ARID4A: variants seen among roughly 807,000 people sequenced by gnomAD.
ARID4A encodes the protein AT-rich interactive domain-containing protein 4A.
In ARID4A, 39 loss-of-function variants were observed where a neutral mutation model predicts 148.6. That is an observed-to-expected ratio of 0.26 (90% confidence interval 0.20 to 0.34). ARID4A has a LOEUF of 0.34. Among genes scored for constraint, ARID4A ranks in the 10% least tolerant of loss-of-function variants. ARID4A has a pLI of 1.00. For synonymous variants in ARID4A, 475 were observed against 481.2 expected (o/e 0.99, Z 0.17); for missense variants, 1,265 against 1,449.1 (o/e 0.87, Z 2.06).
At chr14:58,313,965 T>G (rs1320565990) in intron 5 of ARID4A, among the ~76,000 whole-genome samples, 1 of 152,256 alleles carries the variant, frequency 6.6e-6, no homozygotes, top group Non-Finnish European at 1.5e-5. Flanking sequence ...CAGTTTCCTC[T>G]GGCACACCCA....
At chr14:58,324,146 C>T (rs867789585) in intron 8 of ARID4A, among the ~76,000 whole-genome samples, 50 of 152,064 alleles carry the variant, frequency 3.3e-4, no homozygotes, top group African/African-American at 9.9e-4. Flanking sequence ...CCTCATGGTC[C>T]GCCCACCTCG....
At chr14:58,328,424 C>T in intron 9 of ARID4A, 108 bp downstream of exon 9, 1 of 704,230 alleles carries the variant, frequency 1.4e-6, no homozygotes, top group Non-Finnish European at 2.3e-6. Flanking sequence ...TCTAATCATT[C>T]ATGAACTGAG....
chr14:58,313,782 A>G (rs1378198634), intron 5 of ARID4A, among the ~76,000 whole-genome samples: 1 of 152,216 alleles, frequency 6.6e-6, no homozygotes, highest in Non-Finnish European at 1.5e-5. Context: ...CCCATAGCCA[A>G]AGAGCCTGGA....
At chr14:58,309,163 T>TA (rs2031829088) in intron 5 of ARID4A, among the ~76,000 whole-genome samples, 1 of 152,210 alleles carries the variant, frequency 6.6e-6, no homozygotes, top group Admixed American at 6.5e-5. Flanking sequence ...TTGCCCAGGC[T>TA]TTTGTTCAGT....
In ARID4A at chr14:58,328,418, A is replaced by G. The variant is rs2033335452; in HGVS notation, c.662+102A>G. On this transcript the variant is annotated intron_variant, in intron 9 of 23. Coordinates refer to ENST00000355431, the MANE Select transcript of ARID4A (RefSeq NM_002892.4). ...CCAAAACTTTATTTTTAAAAGTCTA[A>G]TCATTCATGAACTGAGAAGTTGTTA... 12 of 768,324 alleles carry G rather than the reference A, an allele frequency of 1.6e-5. No homozygotes were observed. The East Asian group carries it at 3.0e-4, about 19-fold the overall frequency. 47.6% of individuals were successfully genotyped at this position (768,324 alleles called of 1,614,324 possible).
chr14:58,330,197 A>G, intron 11 of ARID4A, 28 bp downstream of exon 11: 1 of 1,601,382 alleles, frequency 6.2e-7, no homozygotes, highest in Non-Finnish European at 8.5e-7. Context: ...TTTGTAACAA[A>G]AACATCTTAA....
At chr14:58,332,037 G>A (rs1354879980) in intron 11 of ARID4A, among the ~76,000 whole-genome samples, 2 of 138,888 alleles carry the variant, frequency 1.4e-5, no homozygotes, top group African/African-American at 5.3e-5. Context: ...AAACAAAGAG[G>A]GTAAAAAGAG....
In ARID4A at chr14:58,351,072, G is replaced by C; in HGVS notation, c.1405-1G>C. 6.3e-7 allele frequency: 1 copy of C among 1,587,388 alleles called. No individual in the cohort carries two copies. Among genetic ancestry groups the C allele is most frequent in the Non-Finnish European group, 8.5e-7 (1 of 1,173,806 alleles). ...TTTAAAGCTTTTATCCCCTCTACTAGGGACGAAGGAGAATTGCTCGAGATG... is the reference window on the plus strand; with the variant it reads ...TTTAAAGCTTTTATCCCCTCTACTACGGACGAAGGAGAATTGCTCGAGATG... On this transcript the variant is annotated splice_acceptor_variant, in intron 15 of 23. Transcript: ENST00000355431. LOFTEE classifies it high-confidence loss of function.
intron 5 of ARID4A, among the ~76,000 whole-genome samples, chr14:58,311,647 G>A (rs971400333): frequency 2.6e-5 from 4 of 152,134 alleles, no homozygotes; most frequent in Non-Finnish European, 5.9e-5. Flanking sequence ...CATGTTTATT[G>A]CAGCACTATT....
intron 11 of ARID4A, among the ~76,000 whole-genome samples, chr14:58,337,246 T>TATATATATATGTATATATATATA (rs1555361738): frequency 1.2e-5 from 1 of 83,818 alleles, no homozygotes; most frequent in African/African-American, 4.2e-5. Flanking sequence ...TTCTCTTTAT[T>TATATATATATGTATATATATATA]TATATATATA....
chr14:58,336,596 AAG>A, intron 11 of ARID4A, among the ~76,000 whole-genome samples: 1 of 152,348 alleles, frequency 6.6e-6, no homozygotes, highest in East Asian at 1.9e-4. Context: ...AACATACATC[AAG>A]ATGTACCTTT....
chr14:58,370,234 A>G (rs567672210), intron 23 of ARID4A, among the ~76,000 whole-genome samples: 12 of 152,360 alleles, frequency 7.9e-5, no homozygotes, highest in Admixed American at 2.6e-4. Context: ...AATTTCTTCA[A>G]AGAACCCACC....
chr14:58,332,575 T>A (rs532869219), intron 11 of ARID4A, among the ~76,000 whole-genome samples: 1 of 152,222 alleles, frequency 6.6e-6, no homozygotes, highest in East Asian at 1.9e-4. Flanking sequence ...AGTTATTTTT[T>A]AAAAGTGTAA....
chr14:58,358,736 C>G (rs2035001042), intron 17 of ARID4A, among the ~76,000 whole-genome samples: 1 of 152,134 alleles, frequency 6.6e-6, no homozygotes, highest in African/African-American at 2.4e-5. Context: ...GATCACCTTG[C>G]AAATTTGAAT....
chr14:58,299,046 C>T (rs1008372980), intron 1 of ARID4A, among the ~76,000 whole-genome samples: 10 of 152,176 alleles, frequency 6.6e-5, no homozygotes, highest in African/African-American at 2.4e-4. Context: ...CTGCGGAGTC[C>T]GTGGCAGGAC....
At chr14:58,318,654 A>G (rs1262473306) in intron 6 of ARID4A, 33 bp downstream of exon 6, 2 of 1,613,288 alleles carry the variant, frequency 1.2e-6, no homozygotes. Context: ...TTTGGATTGA[A>G]CTACAGGTAC....
chr14:58,301,898 T>C (rs1422891407), intron 3 of ARID4A, among the ~76,000 whole-genome samples: 1 of 152,204 alleles, frequency 6.6e-6, no homozygotes, highest in Non-Finnish European at 1.5e-5. Context: ...ACCATGCTCA[T>C]GATATTTCCT....
At chr14:58,325,105 G>A (rs1011947662) in intron 8 of ARID4A, among the ~76,000 whole-genome samples, 6 of 152,008 alleles carry the variant, frequency 3.9e-5, no homozygotes, top group African/African-American at 9.7e-5. Context: ...AAGAAGAAGC[G>A]ATACACAAGA....
intron 18 of ARID4A, among the ~76,000 whole-genome samples, chr14:58,359,917 T>C (rs1164519574): frequency 6.6e-6 from 1 of 151,940 alleles, no homozygotes; most frequent in Non-Finnish European, 1.5e-5. Context: ...ATAGAAAAAA[T>C]TAGCCGGTCG....
Sources: gnomAD v4.1 joint callset for allele counts (sites outside exome capture counted in the v4.1 genomes callset) on GRCh38, gnomAD v4.1.1 for gene constraint, MANE v1.5 for transcripts, NCBI Gene and HGNC (gene_info 2026-07-23, HGNC 2026-07-21) for gene names.